Variants in COL21A1 observed in about 807,000 individuals in gnomAD.
COL21A1 encodes collagen type XXI alpha 1 chain, also known as collagen alpha-1(XXI) chain.
COL21A1 carries 149 observed loss-of-function variants against 137.9 expected under a neutral mutation model. The ratio of observed to expected loss-of-function variants is 1.08; its 90% CI spans 0.95 to 1.24. The LOEUF is 1.24. Ranked by LOEUF, COL21A1 falls within the 50% of genes most tolerant of loss-of-function variation. The probability of loss-of-function intolerance (pLI) is 0.00; values close to 1 mark genes in which losing one functional copy is unlikely to be tolerated. For synonymous variants in COL21A1, 456 were observed against 391.5 expected, an observed-to-expected ratio of 1.16 and a Z score of -1.95; for missense variants, 1,167 against 1,158.4, an observed-to-expected ratio of 1.01 and a Z score of -0.11.
intron 1 of COL21A1, among the ~76,000 whole-genome samples, chr6:56,260,635 GGAAGGAAGGAAGGAAGGAAGGAAT>G (rs879270169): frequency 0.066 from 2,785 of 42,082 alleles, 49 homozygotes; most frequent in African/African-American, 0.1. Flanking sequence ...GAGGAAGGAA[GGAAGGAAGGAAGGAAGGAAGGAAT>G]GAAGGAAGGA....
Position 56,390,508 on chromosome 6 carries a change from A to ACG in COL21A1, c.-39+3462_-39+3463insCG, listed in dbSNP as rs561592694. On this transcript the variant is annotated intron_variant, in intron 1 of 28. Transcript: ENST00000370819. The stretch of plus-strand genomic sequence containing the variant: ...AGTGGCTGAATGGACACACACACAC[A>ACG]CACACACACACACACACACACACAC... 7.3e-3 allele frequency among the ~76,000 whole-genome samples: 1,110 copies of ACG among 151,202 alleles called. 17 individuals are homozygous for ACG. Among genetic ancestry groups the ACG allele is most frequent in the African/African-American group, 0.025 (1,009 of 41,132 alleles).
chr6:56,083,391 T>C (rs1173588469), intron 17 of COL21A1, among the ~76,000 whole-genome samples: 1 of 152,014 alleles, frequency 6.6e-6, no homozygotes, highest in African/African-American at 2.4e-5. Context: ...CCTTCTTCAG[T>C]CACATCTTTT....
At chr6:56,234,121 A>C (rs1051780788) in intron 1 of COL21A1, among the ~76,000 whole-genome samples, 2 of 151,894 alleles carry the variant, frequency 1.3e-5, no homozygotes, top group Non-Finnish European at 2.9e-5. Flanking sequence ...GTAAACTTCA[A>C]GGAAAAAGTC....
chr6:56,098,688 A>G lies in COL21A1; in HGVS notation c.1812+2784T>C, dbSNP rs183386431. Among the ~76,000 whole-genome samples, 14 of 38,036 alleles carry G rather than the reference A, an allele frequency of 3.7e-4. 2 individuals carry two copies. Among genetic ancestry groups the G allele is most frequent in the African/African-American group, 1.5e-3 (13 of 8,484 alleles). 25.0% of individuals were successfully genotyped at this position (38,036 alleles called of 152,430 possible). A position where few individuals can be genotyped will look rare whatever the true frequency, so the allele number is the denominator to read the frequency against. ...ATAAATATATATATAAATATATATA[A>G]ATATATAAATATATATATAAATATA... On this transcript the variant is annotated intron_variant, in intron 17 of 29. Coordinates refer to ENST00000244728, the MANE Select transcript of COL21A1 (RefSeq NM_030820.4).
Position 56,329,871 on chromosome 6 carries a change from T to C in COL21A1, c.-39+64100A>G, listed in dbSNP as rs534574195. On this transcript the variant is annotated intron_variant, in intron 1 of 28. Transcript: ENST00000370819. The stretch of plus-strand genomic sequence containing the variant: ...GCATGGAAAAGATATGACAGACACA[T>C]ACAGAATGCAGTCATAACCACAAGG... 2.0e-5 allele frequency among the ~76,000 whole-genome samples: 3 copies of C among 152,214 alleles called. No individual in the cohort carries two copies. In the East Asian group the frequency reaches 5.8e-4, roughly 29 times the overall value.
intron 1 of COL21A1, among the ~76,000 whole-genome samples, chr6:56,230,747 A>G (rs1171716702): frequency 1.3e-5 from 2 of 151,796 alleles, no homozygotes; most frequent in African/African-American, 4.8e-5. Flanking sequence ...TTTATTTCTT[A>G]TTTTCAACTG....
At chr6:56,123,904 G>A (rs978961646) in intron 16 of COL21A1, among the ~76,000 whole-genome samples, 158 bp downstream of exon 16, 11 of 152,138 alleles carry the variant, frequency 7.2e-5, no homozygotes, top group Non-Finnish European at 1.2e-4. Flanking sequence ...AAGAAATTCA[G>A]TAGCATTTTT....
chr6:56,099,012 G>A (rs1430666733), intron 17 of COL21A1, among the ~76,000 whole-genome samples: 2 of 150,682 alleles, frequency 1.3e-5, no homozygotes, highest in Admixed American at 1.3e-4. Flanking sequence ...ACTGCACCCG[G>A]CCTATGTTTA....
At position 56,258,946 on chromosome 6, in the gene COL21A1, T is replaced by A. The variant is rs182342627; in HGVS notation, c.-38-76290A>T. Reference sequence around the variant, plus strand: ...GCATACAATATCCCATCTCCTAAGGTTCACAATTCATTATTAACATATTAA... The same window carrying A: ...GCATACAATATCCCATCTCCTAAGGATCACAATTCATTATTAACATATTAA... On this transcript the variant is annotated intron_variant, in intron 1 of 28. Transcript: ENST00000370819. Among the ~76,000 whole-genome samples, 472 of 152,262 alleles carry A rather than the reference T, an allele frequency of 3.1e-3. 1 individual carries two copies. Among genetic ancestry groups the A allele is most frequent in the Non-Finnish European group, 5.1e-3 (344 of 68,010 alleles).
chr6:56,134,913 C>T (rs1925171), intron 12 of COL21A1, among the ~76,000 whole-genome samples: 22,853 of 152,040 alleles, frequency 0.15, 1,759 homozygotes, highest in Middle Eastern at 0.22. Context: ...TCCATTAAAC[C>T]TCTTTCTTTT....
intron 1 of COL21A1, among the ~76,000 whole-genome samples, chr6:56,290,211 T>C (rs1188562467): frequency 3.9e-5 from 6 of 152,092 alleles, no homozygotes; most frequent in Non-Finnish European, 8.8e-5. Flanking sequence ...GGGTTGACCT[T>C]GCCCTGATCT....
chr6:56,241,757 C>T (rs142631480), intron 1 of COL21A1, among the ~76,000 whole-genome samples: 378 of 152,220 alleles, frequency 2.5e-3, no homozygotes, highest in African/African-American at 8.6e-3. Context: ...TTATGTCAAA[C>T]GACAATCAAA....
intron 1 of COL21A1, among the ~76,000 whole-genome samples, chr6:56,301,174 A>T (rs1394472777): frequency 6.6e-6 from 1 of 152,106 alleles, no homozygotes; most frequent in African/African-American, 2.4e-5. Context: ...GGCAAAAGAG[A>T]CTCTAAAGAT....
At chr6:56,059,297 T>C (rs2114022733) in intron 28 of COL21A1, 55 bp from the exon 29 acceptor site, 1 of 1,238,432 alleles carries the variant, frequency 8.1e-7, no homozygotes, top group African/African-American at 1.5e-5. Flanking sequence ...CCTTCTAGAT[T>C]GTTTCATTCA....
chr6:56,260,086 C>CA (rs1365219363), intron 1 of COL21A1, among the ~76,000 whole-genome samples: 1 of 152,150 alleles, frequency 6.6e-6, no homozygotes, highest in Non-Finnish European at 1.5e-5. Context: ...TTAAACTCAA[C>CA]AAAAGTAAGA....
intron 1 of COL21A1, among the ~76,000 whole-genome samples, chr6:56,386,457 G>C (rs1222382742): frequency 6.6e-6 from 1 of 152,118 alleles, no homozygotes; most frequent in Non-Finnish European, 1.5e-5. Flanking sequence ...CTATACCTAG[G>C]AGTGGAATTG....
At chr6:56,094,821 C>T (rs759754215) in intron 17 of COL21A1, among the ~76,000 whole-genome samples, 2 of 152,130 alleles carry the variant, frequency 1.3e-5, no homozygotes, top group Non-Finnish European at 2.9e-5. Flanking sequence ...ACGCTGTAAT[C>T]CATGGAGAGA....
chr6:56,366,676 T>C (rs868677996), intron 1 of COL21A1, among the ~76,000 whole-genome samples: 1 of 152,202 alleles, frequency 6.6e-6, no homozygotes, highest in African/African-American at 2.4e-5. Flanking sequence ...GCAATTAGGT[T>C]GATGGGATTT....
At chr6:56,069,487 T>A (rs1054260906) in intron 21 of COL21A1, among the ~76,000 whole-genome samples, 1 of 151,046 alleles carries the variant, frequency 6.6e-6, no homozygotes, top group Non-Finnish European at 1.5e-5. Context: ...TTGAAACTGC[T>A]TTTTCTCAAA....
Sources: gnomAD v4.1 joint callset for allele counts (sites outside exome capture counted in the v4.1 genomes callset) on GRCh38, gnomAD v4.1.1 for gene constraint, MANE v1.5 for transcripts, NCBI Gene and HGNC (gene_info 2026-07-23, HGNC 2026-07-21) for gene names.